KCTD16: variants seen among roughly 807,000 people sequenced by gnomAD.
KCTD16 encodes the protein potassium channel tetramerization domain containing 16.
Under a neutral mutation model 33.2 loss-of-function variants are expected in KCTD16, and 13 were observed. The observed-to-expected ratio is 0.39, with a 90% CI of 0.25 to 0.62. KCTD16 has a LOEUF of 0.62. Among genes scored for constraint, KCTD16 ranks in the 20% least tolerant of loss-of-function variants. KCTD16 has a pLI of 0.50. For missense variants in KCTD16, 441 were observed against 525.1 expected (o/e 0.84, Z 1.57); for synonymous variants, 197 against 195.3 (o/e 1.01, Z -0.07).
At chr5:144,250,434 C>A (rs562085714) in intron 3 of KCTD16, among the ~76,000 whole-genome samples, 4 of 152,218 alleles carry the variant, frequency 2.6e-5, no homozygotes, top group African/African-American at 9.6e-5. Flanking sequence ...TATCTGTAGC[C>A]CAGAAATCAC....
chr5:144,451,299 T>G (rs910128281), intron 3 of KCTD16, among the ~76,000 whole-genome samples: 3 of 152,124 alleles, frequency 2.0e-5, no homozygotes, highest in Non-Finnish European at 4.4e-5. Flanking sequence ...AAGTTATTTT[T>G]ATTCTCAATC....
chr5:144,180,308 C>A (rs1752596961), intron 2 of KCTD16, among the ~76,000 whole-genome samples: 1 of 152,094 alleles, frequency 6.6e-6, no homozygotes, highest in Admixed American at 6.6e-5. Flanking sequence ...TTGTTCAGGG[C>A]AAGGGGGAGT....
At chr5:144,233,735 T>C (rs765933456) in intron 3 of KCTD16, among the ~76,000 whole-genome samples, 8 of 152,134 alleles carry the variant, frequency 5.3e-5, no homozygotes, top group Admixed American at 1.3e-4. Context: ...AGGACAGATA[T>C]TGAATATAAA....
At chr5:144,290,328 AC>A (rs1755861076) in intron 3 of KCTD16, among the ~76,000 whole-genome samples, 1 of 152,106 alleles carries the variant, frequency 6.6e-6, no homozygotes, top group Non-Finnish European at 1.5e-5. Context: ...CAACAAAAAA[AC>A]AGTCAATAAA....
intron 3 of KCTD16, among the ~76,000 whole-genome samples, chr5:144,422,586 T>C (rs1753235079): frequency 6.6e-6 from 1 of 152,164 alleles, no homozygotes; most frequent in Non-Finnish European, 1.5e-5. Context: ...AAATGTGGGA[T>C]AGTATTGAAC....
chr5:144,413,381 G>A (rs1752976208), intron 3 of KCTD16, among the ~76,000 whole-genome samples: 1 of 152,180 alleles, frequency 6.6e-6, no homozygotes. Context: ...CATCTATTGT[G>A]TGGTATTTTT....
At chr5:144,379,534 A>C (rs1039118424) in intron 3 of KCTD16, among the ~76,000 whole-genome samples, 2 of 152,090 alleles carry the variant, frequency 1.3e-5, no homozygotes, top group African/African-American at 4.8e-5. Context: ...AAAGACAAGG[A>C]GTTCATTTGG....
chr5:144,387,028 TG>T, intron 3 of KCTD16, among the ~76,000 whole-genome samples: 2 of 152,174 alleles, frequency 1.3e-5, no homozygotes, highest in East Asian at 3.9e-4. Context: ...GTGCAGTGGC[TG>T]GTTCATGGCT....
At chr5:144,433,758 A>G (rs1753517691) in intron 3 of KCTD16, among the ~76,000 whole-genome samples, 1 of 152,158 alleles carries the variant, frequency 6.6e-6, no homozygotes, top group African/African-American at 2.4e-5. Flanking sequence ...TAATGTGTCT[A>G]CGATAATGAT....
chr5:144,400,792 C>G (rs549926650), intron 3 of KCTD16, among the ~76,000 whole-genome samples: 5 of 152,142 alleles, frequency 3.3e-5, no homozygotes, highest in Non-Finnish European at 5.9e-5. Flanking sequence ...AACTGGTTGG[C>G]AAATTCAGAT....
chr5:144,174,739 T>C (rs1752465633), intron 2 of KCTD16, among the ~76,000 whole-genome samples: 1 of 152,212 alleles, frequency 6.6e-6, no homozygotes, highest in Non-Finnish European at 1.5e-5. Flanking sequence ...GGCAAAGAAA[T>C]TTAACCCCAA....
intron 3 of KCTD16, among the ~76,000 whole-genome samples, chr5:144,238,542 A>C (rs1042486085): frequency 1.3e-5 from 2 of 152,146 alleles, no homozygotes; most frequent in African/African-American, 4.8e-5. Flanking sequence ...TTCTACAGAT[A>C]AACTGCCTTC....
At chr5:144,361,727 C>T (rs1751717097) in intron 3 of KCTD16, among the ~76,000 whole-genome samples, 1 of 152,060 alleles carries the variant, frequency 6.6e-6, no homozygotes, top group Non-Finnish European at 1.5e-5. Context: ...AAACAGATAA[C>T]ATTTAGAAAT....
intron 3 of KCTD16, among the ~76,000 whole-genome samples, chr5:144,223,410 A>T (rs1753826059): frequency 6.6e-6 from 1 of 152,222 alleles, no homozygotes; most frequent in South Asian, 2.1e-4. Context: ...CTAGTAAAGA[A>T]ATAAAGAAGA....
chr5:144,344,085 C>A, intron 3 of KCTD16, among the ~76,000 whole-genome samples: 1 of 152,056 alleles, frequency 6.6e-6, no homozygotes, highest in Non-Finnish European at 1.5e-5. Context: ...CTTTGACAAA[C>A]CTGAGAAAAA....
intron 3 of KCTD16, among the ~76,000 whole-genome samples, chr5:144,387,150 T>TTG (rs1281122223): frequency 6.7e-6 from 1 of 148,964 alleles, no homozygotes; most frequent in Non-Finnish European, 1.5e-5. Flanking sequence ...TTTTTTTTTT[T>TTG]TTTTTTTTTG....
chr5:144,293,332 G>A (rs7727711), intron 3 of KCTD16, among the ~76,000 whole-genome samples: 102,586 of 152,078 alleles, frequency 0.67, 36,350 homozygotes, highest in African/African-American at 0.91. Flanking sequence ...ATTTGTTCCT[G>A]TTGTGAATGT....
At chr5:144,451,061 G>A (rs897499679) in intron 3 of KCTD16, among the ~76,000 whole-genome samples, 4 of 152,040 alleles carry the variant, frequency 2.6e-5, no homozygotes, top group African/African-American at 4.8e-5. Context: ...GGTAGCATAC[G>A]TTAAATATGC....
intron 3 of KCTD16, among the ~76,000 whole-genome samples, chr5:144,279,107 GA>G (rs567328422): frequency 6.6e-6 from 1 of 151,936 alleles, no homozygotes; most frequent in African/African-American, 2.4e-5. Context: ...ATTGCTTATT[GA>G]AAAAAATGAG....
Sources: allele counts gnomAD v4.1 joint callset (sites outside exome capture counted in the v4.1 genomes callset), GRCh38; gene constraint gnomAD v4.1.1; transcripts MANE v1.5; gene names NCBI Gene and HGNC (gene_info 2026-07-23, HGNC 2026-07-21).